Variants in SV2B observed in about 807,000 individuals in gnomAD.
SV2B encodes the protein solute carrier family 22 member B2.
In SV2B, 41 loss-of-function variants were observed where a neutral mutation model predicts 73.9. The ratio of observed to expected loss-of-function variants is 0.56; its 90% confidence interval spans 0.43 to 0.72. SV2B has a LOEUF of 0.72. Ranked by LOEUF, SV2B falls within the 30% of genes least tolerant of loss-of-function variation. The pLI is 0.00. For missense variants in SV2B, 764 were observed against 857.8 expected, an observed-to-expected ratio of 0.89 and a Z score of 1.37; for synonymous variants, 314 against 314.2, an observed-to-expected ratio of 1.00 and a Z score of 0.01.
chr15:91,180,420 C>G (rs2044504461), intron 1 of SV2B, among the ~76,000 whole-genome samples: 2 of 151,842 alleles, frequency 1.3e-5, no homozygotes, highest in Non-Finnish European at 2.9e-5. Context: ...CTCTGTATTT[C>G]CTGAATCTGA....
At chr15:91,148,445 T>C (rs920442266) in intron 1 of SV2B, among the ~76,000 whole-genome samples, 2 of 152,102 alleles carry the variant, frequency 1.3e-5, no homozygotes, top group Non-Finnish European at 1.5e-5. Flanking sequence ...TGAGAAGCGA[T>C]GAGGCGTGCT....
At chr15:91,291,797 A>G (rs188828252) in intron 12 of SV2B, among the ~76,000 whole-genome samples, 14 of 152,354 alleles carry the variant, frequency 9.2e-5, no homozygotes, top group Admixed American at 4.6e-4. Context: ...GAACAGAGCA[A>G]AAGGCCCACC....
intron 1 of SV2B, among the ~76,000 whole-genome samples, chr15:91,217,933 ATT>A (rs759316729): frequency 6.1e-4 from 93 of 152,314 alleles, no homozygotes; most frequent in Middle Eastern, 3.4e-3. Flanking sequence ...ACAAAAGACT[ATT>A]TTGTACGGAG....
chr15:91,191,758 G>T (rs1596553218), intron 1 of SV2B, among the ~76,000 whole-genome samples: 1 of 152,270 alleles, frequency 6.6e-6, no homozygotes, highest in South Asian at 2.1e-4. Flanking sequence ...GCAACATTTT[G>T]CTGGATATTT....
In SV2B at chr15:91,139,305, C is replaced by T. The variant is rs72764730; in HGVS notation, c.-392+38942C>T. 0.12 allele frequency among the ~76,000 whole-genome samples: 18,175 copies of T among 151,824 alleles called. 1,158 individuals are homozygous for T. The highest frequency in any genetic ancestry group is 0.14 in the African/African-American group (5,753 of 41,376). ...ACATGGTAGTTCATTAAATTATTCTCTCTACTTTTGAATGTGCTTGCAAAT... is the reference window on the plus strand; with the variant it reads ...ACATGGTAGTTCATTAAATTATTCTTTCTACTTTTGAATGTGCTTGCAAAT... On this transcript the variant is annotated intron_variant, in intron 1 of 12. Coordinates refer to ENST00000394232, the MANE Select transcript of SV2B (RefSeq NM_001323032.3). This position sits in a 1 kb window ranked among gnomAD's most constrained non-coding sequence, Gnocchi z 5.2.
chr15:91,138,628 A>C (rs1343800065), intron 1 of SV2B, among the ~76,000 whole-genome samples: 1 of 152,224 alleles, frequency 6.6e-6, no homozygotes. Flanking sequence ...AATTATTCCC[A>C]AAACAATATA....
At chr15:91,279,265 T>C (rs2048605860) in intron 9 of SV2B, among the ~76,000 whole-genome samples, 1 of 152,242 alleles carries the variant, frequency 6.6e-6, no homozygotes, top group East Asian at 1.9e-4. Context: ...TTCTTTAGGG[T>C]GATGCCCTCA....
At chr15:91,282,976 A>T (rs2048730874) in intron 10 of SV2B, among the ~76,000 whole-genome samples, 1 of 152,206 alleles carries the variant, frequency 6.6e-6, no homozygotes, top group Non-Finnish European at 1.5e-5. Flanking sequence ...TCCTCATTTG[A>T]ATACTCTTAC....
At chr15:91,111,419 A>G (rs1319320692) in intron 1 of SV2B, among the ~76,000 whole-genome samples, 1 of 152,178 alleles carries the variant, frequency 6.6e-6, no homozygotes, top group African/African-American at 2.4e-5. Context: ...GGAGCTCATT[A>G]ATTAATACTT....
chr15:91,152,029 C>G (rs934212458), intron 1 of SV2B, among the ~76,000 whole-genome samples: 2 of 150,840 alleles, frequency 1.3e-5, no homozygotes, highest in African/African-American at 4.9e-5. Context: ...TGATGAATGT[C>G]AGGACAAATG....
At chr15:91,262,888 A>G (rs1166344974) in intron 6 of SV2B, among the ~76,000 whole-genome samples, 5 of 152,200 alleles carry the variant, frequency 3.3e-5, no homozygotes, top group Non-Finnish European at 7.3e-5. Context: ...TACTTGGCTC[A>G]GTCCTGCCAC....
upstream of SV2B, among the ~76,000 whole-genome samples, chr15:91,099,638 C>T (rs1251303907): frequency 6.6e-6 from 1 of 152,188 alleles, no homozygotes; most frequent in East Asian, 1.9e-4. Flanking sequence ...AGGTGGAGGG[C>T]TTGTTTGAAT....
At chr15:91,166,781 T>C (rs1967994821) in intron 1 of SV2B, among the ~76,000 whole-genome samples, 1 of 151,918 alleles carries the variant, frequency 6.6e-6, no homozygotes, top group African/African-American at 2.4e-5. Flanking sequence ...ATTGTAATTT[T>C]TAGTTTTTTT....
chr15:91,288,569 A>G lies in SV2B; in HGVS notation c.1709-952A>G, dbSNP rs895531464. ...ATCTAGCATCCTGCCTTCCAGGTTC[A>G]TCCATGTTGTCATAAATGGCAGAAT... On this transcript the variant is annotated intron_variant, in intron 11 of 12. Coordinates refer to ENST00000394232, the MANE Select transcript of SV2B (RefSeq NM_001323032.3). This position sits in a 1 kb window ranked among gnomAD's most constrained non-coding sequence, Gnocchi z 5.8. Among the ~76,000 whole-genome samples, 6 of 151,970 alleles carry G rather than the reference A, an allele frequency of 3.9e-5. No individual in the cohort carries two copies. Among genetic ancestry groups the G allele is most frequent in the Non-Finnish European group, 7.4e-5 (5 of 67,950 alleles).
At chr15:91,168,332 A>AGAGAGAGAGAGAGAGAGAG (rs1567308862) in intron 1 of SV2B, among the ~76,000 whole-genome samples, 16 of 78,320 alleles carry the variant, frequency 2.0e-4, no homozygotes, top group African/African-American at 6.8e-4. Flanking sequence ...GAGAGAGAGA[A>AGAGAGAGAGAGAGAGAGAG]AAGAAATTTC....
At position 91,284,499 on chromosome 15, in the gene SV2B, A is replaced by G. The variant is rs181874134; in HGVS notation, c.1708+278A>G. Among the ~76,000 whole-genome samples, 48 of 152,334 alleles carry G rather than the reference A, an allele frequency of 3.2e-4. No homozygotes were observed. The highest frequency in any genetic ancestry group is 1.0e-3 in the African/African-American group (43 of 41,570). ...AGTCATTTAATCTATTAGCACTTCA[A>G]TAAGGGTAGTAATAATATCCACCCT... On this transcript the variant is annotated intron_variant, in intron 11 of 12. Transcript: ENST00000394232. This position sits in a 1 kb window ranked among gnomAD's most constrained non-coding sequence, Gnocchi z 4.5.
At chr15:91,185,483 G>T (rs533487258) in intron 1 of SV2B, among the ~76,000 whole-genome samples, 29 of 152,196 alleles carry the variant, frequency 1.9e-4, no homozygotes, top group Middle Eastern at 3.4e-3. Context: ...GATGAGAAGG[G>T]TCCTGGTCTT....
chr15:91,243,203 G>T (rs954809646), intron 2 of SV2B, among the ~76,000 whole-genome samples: 1 of 152,168 alleles, frequency 6.6e-6, no homozygotes, highest in African/African-American at 2.4e-5. Flanking sequence ...GCCTCATTGG[G>T]TTATGATCCT....
At chr15:91,120,483 ATTACT>A (rs1438459551) in intron 1 of SV2B, among the ~76,000 whole-genome samples, 2 of 152,156 alleles carry the variant, frequency 1.3e-5, no homozygotes, top group Non-Finnish European at 2.9e-5. Flanking sequence ...GCCAAACCAT[ATTACT>A]TTGTCTCTTA....
Sources: gnomAD v4.1 joint callset for allele counts (sites outside exome capture counted in the v4.1 genomes callset) on GRCh38, gnomAD v4.1.1 for gene constraint, Gnocchi (gnomAD v3.1) non-coding constraint, MANE v1.5 for transcripts, NCBI Gene and HGNC (gene_info 2026-07-23, HGNC 2026-07-21) for gene names.